MDFIC2: variants seen among roughly 807,000 people sequenced by gnomAD.
MDFIC2 encodes the protein MyoD family inhibitor domain containing 2.
chr3:70,287,506 G>C (rs1355300249), intron 2 of MDFIC2, among the ~76,000 whole-genome samples: 1 of 151,866 alleles, frequency 6.6e-6, no homozygotes, highest in Non-Finnish European at 1.5e-5. Context: ...TAAGGATATT[G>C]GTCTAAAATT....
chr3:70,285,883 T>A (rs1702157191), intron 2 of MDFIC2, among the ~76,000 whole-genome samples: 1 of 151,952 alleles, frequency 6.6e-6, no homozygotes, highest in African/African-American at 2.4e-5. Flanking sequence ...TTCATGTCCT[T>A]CGCCCACTTT....
At chr3:70,214,743 A>G (rs1485558123) in intron 2 of MDFIC2, among the ~76,000 whole-genome samples, 1 of 152,074 alleles carries the variant, frequency 6.6e-6, no homozygotes, top group Admixed American at 6.6e-5. Context: ...ACGAGGAACA[A>G]TTGACTCCTA....
chr3:70,302,952 T>A (rs568278231), intron 2 of MDFIC2, among the ~76,000 whole-genome samples: 107 of 152,286 alleles, frequency 7.0e-4, no homozygotes, highest in African/African-American at 1.9e-3. Flanking sequence ...GGAATTTAAT[T>A]TGTTGGCCTA....
At position 70,311,339 on chromosome 3, in the gene MDFIC2, C is replaced by T. The variant is rs754491559; in HGVS notation, c.88+547G>A. ...AGGTTTAGCTGTATTTTCAAAAGTG[C>T]GCAAATCTGTACTCATTAGGAGAAC... On this transcript the variant is annotated intron_variant, in intron 2 of 3. Transcript: ENST00000567252. Among the ~76,000 whole-genome samples the T allele has an allele frequency of 1.2e-4, 19 of 152,196 alleles. No individual in the cohort carries two copies. In the Middle Eastern group the frequency reaches 0.01, roughly 82 times the overall value.
rs1328777883 is a variant in MDFIC2 at position 70,195,968 on chromosome 3, A to G, written c.*958T>C. On this transcript the variant is annotated 3_prime_UTR_variant, in exon 4 of 4. Coordinates refer to ENST00000567252, the MANE Select transcript of MDFIC2 (RefSeq NM_001364677.1). The stretch of plus-strand genomic sequence containing the variant: ...CACTTTAATTATCAGACAAAGAAAA[A>G]CATGGTTTCTGAAGCACATGCTATA... 2.0e-5 allele frequency among the ~76,000 whole-genome samples: 3 copies of G among 152,210 alleles called. No homozygotes were observed. The highest frequency in any genetic ancestry group is 4.4e-5 in the Non-Finnish European group (3 of 68,014).
At chr3:70,275,130 T>C (rs979414869) in intron 2 of MDFIC2, among the ~76,000 whole-genome samples, 9 of 152,208 alleles carry the variant, frequency 5.9e-5, no homozygotes, top group African/African-American at 2.2e-4. Context: ...ACTGACTTTA[T>C]AGTTATTTAA....
In MDFIC2 at chr3:70,206,773, C is replaced by A. The variant is rs559201520; in HGVS notation, c.106G>T (p.Ala36Ser). ...ATGGGTTTCTCATCTGCATGCTTTG[C>A]ATTCGTGAGTTGCGTATCTAGAGGA... Reference protein sequence around the residue: ...WLKEDTQLTNAKHADEKPINA... With the variant: ...WLKEDTQLTNSKHADEKPINA... Residue 36 changes from alanine to serine, a missense_variant, in exon 3 of 4, where the codon GCA becomes TCA. Transcript: ENST00000567252. 48 of 397,634 alleles carry A rather than the reference C, an allele frequency of 1.2e-4. No homozygotes were observed. Among genetic ancestry groups the A allele is most frequent in the Non-Finnish European group, 8.9e-6 (2 of 225,402 alleles). 24.6% of individuals were successfully genotyped at this position (397,634 alleles called of 1,614,324 possible).
intron 2 of MDFIC2, among the ~76,000 whole-genome samples, chr3:70,286,024 T>C (rs1702159349): frequency 6.6e-6 from 1 of 152,060 alleles, no homozygotes; most frequent in African/African-American, 2.4e-5. Flanking sequence ...TTCACTCTGA[T>C]GGTAGTTTCT....
chr3:70,293,453 T>C (rs1702259146), intron 2 of MDFIC2, among the ~76,000 whole-genome samples: 1 of 152,148 alleles, frequency 6.6e-6, no homozygotes, highest in Non-Finnish European at 1.5e-5. Context: ...TGAAAATATC[T>C]TTGATTTCTA....
chr3:70,305,323 G>A (rs901291420), intron 2 of MDFIC2, among the ~76,000 whole-genome samples: 1 of 151,960 alleles, frequency 6.6e-6, no homozygotes. Flanking sequence ...ACTTTCATGA[G>A]TTAATGAAAA....
chr3:70,243,654 G>A lies in MDFIC2; in HGVS notation c.89-36864C>T, dbSNP rs189282358. On this transcript the variant is annotated intron_variant, in intron 2 of 3. Transcript: ENST00000567252. ...CAGCGTCCCTAGCCTCTACCCACTC[G>A]ATGCCAGCAGCACCTTCTCCAACGT... Among the ~76,000 whole-genome samples the A allele has an allele frequency of 1.1e-3, 169 of 152,234 alleles. No homozygotes were observed. The Middle Eastern group carries it at 0.017, about 15-fold the overall frequency.
chr3:70,292,739 A>G (rs1232458178), intron 2 of MDFIC2, among the ~76,000 whole-genome samples: 1 of 152,062 alleles, frequency 6.6e-6, no homozygotes, highest in Admixed American at 6.6e-5. Flanking sequence ...ACACACACAC[A>G]CATGCACACA....
intron 2 of MDFIC2, among the ~76,000 whole-genome samples, chr3:70,260,361 C>T (rs530166098): frequency 3.9e-5 from 6 of 152,236 alleles, no homozygotes; most frequent in East Asian, 3.9e-4. Flanking sequence ...TACTCCGGTA[C>T]GACTTTATCT....
intron 2 of MDFIC2, among the ~76,000 whole-genome samples, chr3:70,309,949 T>A (rs1363838208): frequency 6.6e-6 from 1 of 152,192 alleles, no homozygotes; most frequent in Non-Finnish European, 1.5e-5. Flanking sequence ...GATTGGCCTA[T>A]CAATTTCATT....
chr3:70,215,808 C>A lies in MDFIC2; in HGVS notation c.89-9018G>T, dbSNP rs917510004. On this transcript the variant is annotated intron_variant, in intron 2 of 3. Transcript: ENST00000567252. The stretch of plus-strand genomic sequence containing the variant: ...TTTAGCCAACTGATGAACTGACAGA[C>A]TAAAGGTGGCGTGTCTTGGTTTTCA... 2.0e-5 allele frequency among the ~76,000 whole-genome samples: 3 copies of A among 152,100 alleles called. No homozygotes were observed. In the East Asian group the frequency reaches 5.8e-4, roughly 29 times the overall value.
chr3:70,206,658 G>T lies in MDFIC2; in HGVS notation c.221C>A (p.Ser74Tyr). 2.5e-6 allele frequency: 1 copy of T among 397,862 alleles called. No individual in the cohort carries two copies. The highest frequency in any genetic ancestry group is 4.4e-6 in the Non-Finnish European group (1 of 225,596). 24.6% of individuals were successfully genotyped at this position (397,862 alleles called of 1,614,324 possible). Residue 74 changes from serine to tyrosine, a missense_variant, in exon 3 of 4, where the codon TCC becomes TAC. Ser to Tyr is a moderately radical substitution (Grantham distance 144, BLOSUM62 -2). Coordinates refer to ENST00000567252, the MANE Select transcript of MDFIC2 (RefSeq NM_001364677.1). ...ENPNEKKLSE[S>Y]STSLSSLEEC... ...TTCAAGGGAGGACAGTGATGTGCTGGATTCTGACAGTTTTTTCTCATTGGG... is the reference window on the plus strand; with the variant it reads ...TTCAAGGGAGGACAGTGATGTGCTGTATTCTGACAGTTTTTTCTCATTGGG...
intron 2 of MDFIC2, among the ~76,000 whole-genome samples, chr3:70,252,805 C>T (rs528709105): frequency 3.6e-4 from 55 of 152,214 alleles, no homozygotes; most frequent in Non-Finnish European, 6.5e-4. Flanking sequence ...GAAGGCCAGG[C>T]GCGGTGGCTC....
At chr3:70,203,012 G>A (rs1576153567) in intron 3 of MDFIC2, among the ~76,000 whole-genome samples, 1 of 152,026 alleles carries the variant, frequency 6.6e-6, no homozygotes, top group African/African-American at 2.4e-5. Flanking sequence ...CCATGATTAG[G>A]AGGTGGGAGG....
chr3:70,223,387 A>G (rs1701477110), intron 2 of MDFIC2, among the ~76,000 whole-genome samples: 1 of 152,204 alleles, frequency 6.6e-6, no homozygotes, highest in Non-Finnish European at 1.5e-5. Context: ...AGATGAGTGC[A>G]GAGCACTGAT....
Sources: allele counts gnomAD v4.1 joint callset (sites outside exome capture counted in the v4.1 genomes callset), GRCh38; gene constraint gnomAD v4.1.1; transcripts MANE v1.5; gene names NCBI Gene and HGNC (gene_info 2026-07-23, HGNC 2026-07-21).